Variants in RBFOX1 observed in about 807,000 individuals in gnomAD.
RBFOX1 encodes the protein RNA binding protein fox-1 homolog 1.
RBFOX1 carries 8 observed loss-of-function variants against 57.7 expected under a neutral mutation model. The observed-to-expected ratio is 0.14, with a 90% CI of 0.08 to 0.25. RBFOX1 has a LOEUF of 0.25. Among genes scored for constraint, RBFOX1 ranks in the 10% least tolerant of loss-of-function variants. RBFOX1 has a pLI of 1.00. For synonymous variants in RBFOX1, 326 were observed against 222.4 expected (o/e 1.47, Z -4.15); for missense variants, 611 against 548.5 (o/e 1.11, Z -1.14).
intron 4 of RBFOX1, among the ~76,000 whole-genome samples, chr16:7,133,587 G>C (rs1018298943): frequency 1.3e-5 from 2 of 152,134 alleles, no homozygotes; most frequent in Non-Finnish European, 2.9e-5. Context: ...ATACACACAT[G>C]ATTAATACCA....
chr16:7,015,091 G>A (rs900741454), intron 3 of RBFOX1, among the ~76,000 whole-genome samples: 6 of 152,162 alleles, frequency 3.9e-5, no homozygotes, highest in Non-Finnish European at 7.3e-5. Flanking sequence ...TTATGGAATA[G>A]CATAAACTTG....
At chr16:6,811,490 G>T (rs143346522) in intron 3 of RBFOX1, among the ~76,000 whole-genome samples, 73 of 152,234 alleles carry the variant, frequency 4.8e-4, no homozygotes, top group South Asian at 8.3e-4. Flanking sequence ...TAGGAGTCAG[G>T]GATGTTTAAG....
chr16:6,821,344 T>A (rs1438754505), intron 3 of RBFOX1, among the ~76,000 whole-genome samples: 1 of 152,200 alleles, frequency 6.6e-6, no homozygotes, highest in African/African-American at 2.4e-5. Context: ...GTCCCCAAAT[T>A]GGAAAACTAG....
At chr16:6,509,615 G>A (rs1011367989) in intron 2 of RBFOX1, among the ~76,000 whole-genome samples, 1 of 152,124 alleles carries the variant, frequency 6.6e-6, no homozygotes, top group Non-Finnish European at 1.5e-5. Context: ...AAGTCTTAGT[G>A]TTTGCTAGCA....
intron 1 of RBFOX1, among the ~76,000 whole-genome samples, chr16:6,226,322 A>G (rs13335700): frequency 0.029 from 4,311 of 150,352 alleles, 203 homozygotes; most frequent in African/African-American, 0.097. Context: ...GCAGTGAGCC[A>G]AAATCATGCC....
chr16:6,895,494 C>T lies in RBFOX1; in HGVS notation c.-15-156563C>T, dbSNP rs532161080. Among the ~76,000 whole-genome samples, 267 of 101,990 alleles carry T rather than the reference C, an allele frequency of 2.6e-3. 3 individuals are homozygous for T. Among genetic ancestry groups the T allele is most frequent in the Admixed American group, 4.6e-3 (44 of 9,608 alleles). The allele number at this position is 101,990 out of a possible 152,430, so 66.9% of individuals were successfully genotyped here. On this transcript the variant is annotated intron_variant, in intron 3 of 15. Coordinates refer to ENST00000550418, the MANE Select transcript of RBFOX1 (RefSeq NM_018723.4). ...TATATATATATATATATATTTATTC[C>T]CCTATTGGATAACAAGCTGTCGATT...
intron 14 of RBFOX1, among the ~76,000 whole-genome samples, chr16:7,691,484 GAAGA>G (rs1383020385): frequency 2.6e-5 from 4 of 151,822 alleles, no homozygotes; most frequent in African/African-American, 9.7e-5. Context: ...AGGAAAAGAG[GAAGA>G]AAGGAGGAAG....
intron 5 of RBFOX1, among the ~76,000 whole-genome samples, chr16:7,568,296 T>C (rs922026720): frequency 1.3e-5 from 2 of 152,202 alleles, no homozygotes; most frequent in African/African-American, 2.4e-5. Context: ...TCATGAGTTT[T>C]CTGGGAAAGG....
chr16:7,076,399 C>T (rs2058305590), intron 4 of RBFOX1, among the ~76,000 whole-genome samples: 1 of 151,544 alleles, frequency 6.6e-6, no homozygotes, highest in South Asian at 2.1e-4. Context: ...TTTGTCAAAA[C>T]CAGCAAAAGA....
At chr16:6,237,676 G>A (rs1406204927) in intron 1 of RBFOX1, among the ~76,000 whole-genome samples, 1 of 151,892 alleles carries the variant, frequency 6.6e-6, no homozygotes, top group African/African-American at 2.4e-5. Context: ...GGGAGATGGA[G>A]GTTACAGTGA....
At chr16:6,119,709 C>G (rs775079013) in intron 1 of RBFOX1, among the ~76,000 whole-genome samples, 1 of 152,118 alleles carries the variant, frequency 6.6e-6, no homozygotes, top group Non-Finnish European at 1.5e-5. Context: ...ACAGGGTATC[C>G]ACAGGCTGGT....
intron 1 of RBFOX1, among the ~76,000 whole-genome samples, chr16:6,293,019 C>A (rs1443619674): frequency 6.6e-6 from 1 of 152,102 alleles, no homozygotes; most frequent in Non-Finnish European, 1.5e-5. Context: ...TCATATCTTT[C>A]CCCCACCTGG....
intron 1 of RBFOX1, among the ~76,000 whole-genome samples, chr16:6,230,899 T>G (rs2097454214): frequency 6.6e-6 from 1 of 152,124 alleles, no homozygotes; most frequent in Admixed American, 6.5e-5. Context: ...GTGCCATCCT[T>G]TATGCAGACA....
chr16:6,311,915 C>T (rs2080365441), intron 1 of RBFOX1, among the ~76,000 whole-genome samples: 1 of 152,152 alleles, frequency 6.6e-6, no homozygotes, highest in Admixed American at 6.5e-5. Context: ...TATCAAGCAA[C>T]CCTGGGCAGC....
chr16:5,673,551 G>C (rs747715064), intron 3 of RBFOX1, among the ~76,000 whole-genome samples: 12 of 152,174 alleles, frequency 7.9e-5, no homozygotes. Context: ...GTGTCACTGA[G>C]GCCAGACCTG....
chr16:6,116,275 G>C (rs566487090), intron 1 of RBFOX1, among the ~76,000 whole-genome samples: 2 of 151,186 alleles, frequency 1.3e-5, no homozygotes, highest in African/African-American at 4.9e-5. Flanking sequence ...GTCAGGGGGT[G>C]GGGGGCAGGG....
intron 3 of RBFOX1, among the ~76,000 whole-genome samples, chr16:5,821,104 C>G (rs1372594869): frequency 6.6e-6 from 1 of 152,102 alleles, no homozygotes; most frequent in East Asian, 1.9e-4. Flanking sequence ...ACACCCCCAT[C>G]AGGACCAAAC....
At chr16:7,198,326 C>T (rs912698320) in intron 4 of RBFOX1, among the ~76,000 whole-genome samples, 9 of 152,176 alleles carry the variant, frequency 5.9e-5, no homozygotes, top group Admixed American at 5.2e-4. Context: ...TGGTTTTCTT[C>T]TGGGGTGATG....
chr16:7,659,370 G>C (rs528536082), intron 12 of RBFOX1, among the ~76,000 whole-genome samples: 2 of 152,240 alleles, frequency 1.3e-5, no homozygotes, highest in African/African-American at 4.8e-5. Context: ...CATGCTTTCT[G>C]GTTTTATCTT....
Sources: gnomAD v4.1 joint callset for allele counts (sites outside exome capture counted in the v4.1 genomes callset) on GRCh38, gnomAD v4.1.1 for gene constraint, MANE v1.5 for transcripts, NCBI Gene and HGNC (gene_info 2026-07-23, HGNC 2026-07-21) for gene names.